The following LOC102723971 variants were observed in gnomAD, a reference collection of about 807,000 sequenced individuals.
chr9:135,614,833 A>G, the LOC102723971 span, among the ~76,000 whole-genome samples: 2 of 151,856 alleles, frequency 1.3e-5, no homozygotes, highest in Admixed American at 6.6e-5. Flanking sequence ...GAGTGCAGGG[A>G]TGGAGGGACA....
the LOC102723971 span, chr9:135,615,262 G>C: frequency 2.5e-6 from 1 of 395,002 alleles, no homozygotes; most frequent in Non-Finnish European, 4.4e-6. Context: ...CCGGGCACTA[G>C]CCGGCCTCTC....
chr9:135,614,844 C>G, the LOC102723971 span, among the ~76,000 whole-genome samples: 1 of 152,050 alleles, frequency 6.6e-6, no homozygotes, highest in Non-Finnish European at 1.5e-5. Context: ...TGGAGGGACA[C>G]CCGGCACAGC....
chr9:135,616,003 G>A, the LOC102723971 span, among the ~76,000 whole-genome samples: 7 of 152,236 alleles, frequency 4.6e-5, no homozygotes, highest in African/African-American at 1.7e-4. Flanking sequence ...TCCGAAGGCA[G>A]TTAGACCCAC....
the LOC102723971 span, among the ~76,000 whole-genome samples, chr9:135,614,611 C>T: frequency 1.3e-5 from 2 of 152,268 alleles, no homozygotes; most frequent in East Asian, 1.9e-4. Context: ...AGCTACAGCA[C>T]AACAGCAGGT....
chr9:135,619,119 C>T, the LOC102723971 span, among the ~76,000 whole-genome samples: 3 of 152,122 alleles, frequency 2.0e-5, no homozygotes, highest in Non-Finnish European at 4.4e-5. Flanking sequence ...CCCAGCTGAG[C>T]CCAACCCTGC....
At chr9:135,616,071 G>A in the LOC102723971 span, among the ~76,000 whole-genome samples, 7 of 152,342 alleles carry the variant, frequency 4.6e-5, no homozygotes, top group South Asian at 6.2e-4. Flanking sequence ...AGTCCCAGGG[G>A]TTGGTGGGCA....
chr9:135,615,333 C>T, the LOC102723971 span: 1 of 398,292 alleles, frequency 2.5e-6, no homozygotes, highest in Non-Finnish European at 4.4e-6. Context: ...GCTAGCTGGC[C>T]TCCTCTGCCC....
At chr9:135,618,412 G>A in the LOC102723971 span, among the ~76,000 whole-genome samples, 3 of 151,788 alleles carry the variant, frequency 2.0e-5, no homozygotes, top group Non-Finnish European at 2.9e-5. Flanking sequence ...ACAAGCACAC[G>A]GGCCAGGCCT....
the LOC102723971 span, chr9:135,617,970 C>T: frequency 2.5e-6 from 1 of 398,664 alleles, no homozygotes; most frequent in African/African-American, 2.1e-5. Context: ...CTGGAGGACC[C>T]CAAATGGCTG....
At chr9:135,618,430 G>A in the LOC102723971 span, among the ~76,000 whole-genome samples, 3 of 152,226 alleles carry the variant, frequency 2.0e-5, no homozygotes, top group East Asian at 5.8e-4. Flanking sequence ...CCTGTTCTGG[G>A]AGTTTGGGAT....
At chr9:135,616,545 G>A in the LOC102723971 span, 1 of 398,666 alleles carries the variant, frequency 2.5e-6, no homozygotes, top group East Asian at 3.6e-5. Flanking sequence ...ACAGGACACA[G>A]TTGGAGGCTG....
chr9:135,614,693 G>A, the LOC102723971 span, among the ~76,000 whole-genome samples: 77 of 152,260 alleles, frequency 5.1e-4, 1 homozygote, highest in African/African-American at 1.7e-3. Context: ...CAGGGAGCAG[G>A]GTCCCAGGGG....
chr9:135,618,727 G>T, the LOC102723971 span, among the ~76,000 whole-genome samples: 17 of 151,810 alleles, frequency 1.1e-4, no homozygotes, highest in Non-Finnish European at 2.4e-4. Flanking sequence ...GGCAGTGGGT[G>T]GGGCCTTGTG....
At chr9:135,614,663 G>A in the LOC102723971 span, among the ~76,000 whole-genome samples, 9 of 152,284 alleles carry the variant, frequency 5.9e-5, no homozygotes, top group East Asian at 1.9e-4. Flanking sequence ...GAAACAGAGC[G>A]CCCAGACACT....
the LOC102723971 span, among the ~76,000 whole-genome samples, chr9:135,617,197 T>C: frequency 6.6e-6 from 1 of 152,274 alleles, no homozygotes; most frequent in East Asian, 1.9e-4. Context: ...AGCTGAGCTC[T>C]TCCTCCGACA....
chr9:135,617,816 G>A, the LOC102723971 span: 213 of 395,478 alleles, frequency 5.4e-4, 1 homozygote, highest in African/African-American at 4.1e-3. Flanking sequence ...AGACTGTGTC[G>A]TGGCAACTTA....
the LOC102723971 span, among the ~76,000 whole-genome samples, chr9:135,617,771 G>A: frequency 2.0e-5 from 3 of 152,112 alleles, no homozygotes; most frequent in South Asian, 2.1e-4. Context: ...CTGGGAGGTC[G>A]CAGAGGGGGT....
chr9:135,617,357 A>G, the LOC102723971 span, among the ~76,000 whole-genome samples: 2 of 152,274 alleles, frequency 1.3e-5, no homozygotes, highest in Non-Finnish European at 2.9e-5. Flanking sequence ...TTATCAAGCA[A>G]TGTCTCGGGG....
the LOC102723971 span, chr9:135,614,190 G>A: frequency 5.0e-6 from 2 of 398,428 alleles, no homozygotes; most frequent in Non-Finnish European, 8.8e-6. Flanking sequence ...GTGGGTCCGG[G>A]CAGCGCAGAG....
Sources: allele counts gnomAD v4.1 joint callset (sites outside exome capture counted in the v4.1 genomes callset), GRCh38; gene constraint gnomAD v4.1.1; transcripts MANE v1.5.